Variants in SNTG2 observed in about 807,000 individuals in gnomAD.
SNTG2 encodes syntrophin gamma 2, also known as gamma-2-syntrophin.
SNTG2 carries 74 observed loss-of-function variants against 70.9 expected under a neutral mutation model. The ratio of observed to expected loss-of-function variants is 1.04; its 90% CI spans 0.86 to 1.27. SNTG2 has a LOEUF of 1.27. SNTG2 is among the 50% of genes most tolerant of loss of function. The pLI is 0.00. For synonymous variants in SNTG2, 278 were observed against 273.8 expected (o/e 1.02, Z -0.15); for missense variants, 717 against 690.7 (o/e 1.04, Z -0.43).
chr2:1,177,487 TAAAAA>T (rs1186452126), intron 8 of SNTG2, among the ~76,000 whole-genome samples: 1 of 123,548 alleles, frequency 8.1e-6, no homozygotes, highest in Non-Finnish European at 1.7e-5. Context: ...AACTTAAAAA[TAAAAA>T]TTAAAAAAAA....
At chr2:1,023,142 G>T (rs1220689645) in intron 1 of SNTG2, among the ~76,000 whole-genome samples, 1 of 147,724 alleles carries the variant, frequency 6.8e-6, no homozygotes, top group Non-Finnish European at 1.5e-5. Context: ...ATTCACATAG[G>T]TTTTTTTTTT....
At chr2:1,249,054 A>C (rs777186658) in intron 12 of SNTG2, among the ~76,000 whole-genome samples, 8 of 152,322 alleles carry the variant, frequency 5.3e-5, no homozygotes, top group Middle Eastern at 6.8e-3. Context: ...AACTGATTGC[A>C]GCGTCACAAA....
chr2:1,152,048 A>T (rs901191429), intron 6 of SNTG2, among the ~76,000 whole-genome samples: 9 of 152,246 alleles, frequency 5.9e-5, no homozygotes, highest in African/African-American at 2.2e-4. Context: ...ACCACATAAT[A>T]GAATTTTGTT....
intron 1 of SNTG2, among the ~76,000 whole-genome samples, chr2:979,610 C>T (rs1266145327): frequency 1.3e-5 from 2 of 152,166 alleles, no homozygotes; most frequent in East Asian, 1.9e-4. Context: ...AAGGAATATG[C>T]TCCCCAAAAG....
chr2:1,348,955 A>G (rs1373012103), intron 16 of SNTG2, among the ~76,000 whole-genome samples: 6 of 152,256 alleles, frequency 3.9e-5, no homozygotes, highest in African/African-American at 1.4e-4. Context: ...TGCACAAAAC[A>G]GCCAATACAA....
intron 6 of SNTG2, among the ~76,000 whole-genome samples, chr2:1,157,774 C>G (rs1669999755): frequency 6.6e-6 from 1 of 152,160 alleles, no homozygotes; most frequent in Admixed American, 6.5e-5. Context: ...CTGGTGTGCA[C>G]AGACTAGAGA....
chr2:1,109,345 T>C (rs1052020981), intron 4 of SNTG2, among the ~76,000 whole-genome samples: 2 of 151,950 alleles, frequency 1.3e-5, no homozygotes, highest in Non-Finnish European at 2.9e-5. Context: ...GAAGCCAGGC[T>C]CCATATAACA....
chr2:1,235,737 C>A (rs942575397), intron 9 of SNTG2, among the ~76,000 whole-genome samples: 4 of 152,264 alleles, frequency 2.6e-5, no homozygotes, highest in Admixed American at 1.3e-4. Context: ...CCCACACTGG[C>A]ACCACCCCCT....
chr2:1,321,803 G>C (rs1368314845), intron 16 of SNTG2, among the ~76,000 whole-genome samples: 1 of 151,546 alleles, frequency 6.6e-6, no homozygotes, highest in Admixed American at 6.6e-5. Flanking sequence ...CCCTAATACA[G>C]ATCTGAAATT....
chr2:1,048,996 AG>A, intron 1 of SNTG2, among the ~76,000 whole-genome samples: 1 of 152,156 alleles, frequency 6.6e-6, no homozygotes, highest in Non-Finnish European at 1.5e-5. Flanking sequence ...ACATTTTAAT[AG>A]GCTTTATTTT....
chr2:1,121,885 C>A (rs1423987245), intron 4 of SNTG2, among the ~76,000 whole-genome samples: 1 of 152,104 alleles, frequency 6.6e-6, no homozygotes, highest in South Asian at 2.1e-4. Context: ...ATATTATAAT[C>A]TAAGAAACAG....
chr2:1,194,489 G>A (rs1386573046), intron 8 of SNTG2, among the ~76,000 whole-genome samples: 1 of 147,348 alleles, frequency 6.8e-6, no homozygotes, highest in Non-Finnish European at 1.5e-5. Flanking sequence ...AAGGACTAAA[G>A]GTCCTGTAGG....
chr2:1,252,821 G>A (rs1474170463), intron 12 of SNTG2, among the ~76,000 whole-genome samples: 1 of 152,182 alleles, frequency 6.6e-6, no homozygotes, highest in East Asian at 1.9e-4. Flanking sequence ...GAATCTAACA[G>A]ACAAAATCAT....
At chr2:980,334 C>T (rs1661056201) in intron 1 of SNTG2, among the ~76,000 whole-genome samples, 1 of 152,130 alleles carries the variant, frequency 6.6e-6, no homozygotes, top group Non-Finnish European at 1.5e-5. Flanking sequence ...AATAAGCATC[C>T]TTGAGTAAAC....
At chr2:1,085,556 A>T (rs868706013) in intron 2 of SNTG2, among the ~76,000 whole-genome samples, 8 of 152,288 alleles carry the variant, frequency 5.3e-5, no homozygotes, top group Admixed American at 6.5e-5. Flanking sequence ...TGCTGAAAAT[A>T]GAACCACATT....
chr2:1,199,132 TA>T (rs1342376049), intron 8 of SNTG2, among the ~76,000 whole-genome samples: 3 of 114,856 alleles, frequency 2.6e-5, no homozygotes, highest in Admixed American at 1.0e-4. Context: ...AAACCCTCAA[TA>T]AAAAAACTAG....
chr2:1,137,513 C>CACAA (rs1668471028), intron 4 of SNTG2, 109 bp from the exon 5 acceptor site: 1 of 1,136,514 alleles, frequency 8.8e-7, no homozygotes. Flanking sequence ...CACACACACA[C>CACAA]ACACGTGGCC....
chr2:1,256,745 G>T (rs1368829415), intron 12 of SNTG2: 1 of 152,182 alleles, frequency 6.6e-6, no homozygotes, highest in Non-Finnish European at 1.5e-5. Context: ...CTGGAGCCAG[G>T]CTGAGGGTGC....
At chr2:1,258,147 G>A (rs1350275481) in intron 12 of SNTG2, among the ~76,000 whole-genome samples, 5 of 152,210 alleles carry the variant, frequency 3.3e-5, no homozygotes, top group African/African-American at 1.2e-4. Context: ...GGCAGGTGCA[G>A]TGTTGAGGAA....
Sources: gnomAD v4.1 joint callset for allele counts (sites outside exome capture counted in the v4.1 genomes callset) on GRCh38, gnomAD v4.1.1 for gene constraint, MANE v1.5 for transcripts, NCBI Gene and HGNC (gene_info 2026-07-23, HGNC 2026-07-21) for gene names.